The following POFUT3 variants were observed in gnomAD, a reference collection of about 807,000 sequenced individuals.
POFUT3 encodes GDP-fucose protein O-fucosyltransferase 3.
chr8:33,347,776 A>G, the POFUT3 span, among the ~76,000 whole-genome samples: 15 of 152,352 alleles, frequency 9.8e-5, no homozygotes, highest in East Asian at 2.9e-3. Context: ...ACAATGTAAT[A>G]CATTCTTTTA....
the POFUT3 span, among the ~76,000 whole-genome samples, chr8:33,349,393 G>A: frequency 4.6e-5 from 7 of 152,206 alleles, no homozygotes; most frequent in African/African-American, 1.4e-4. Flanking sequence ...CCTGACCAGC[G>A]TACGCTGTAC....
the POFUT3 span, among the ~76,000 whole-genome samples, chr8:33,340,360 G>T: frequency 6.6e-6 from 1 of 151,804 alleles, no homozygotes; most frequent in Non-Finnish European, 1.5e-5. Flanking sequence ...GGGGAATAAA[G>T]TCTAGCTACA....
chr8:33,443,983 T>A, the POFUT3 span, among the ~76,000 whole-genome samples: 5 of 146,808 alleles, frequency 3.4e-5, no homozygotes, highest in African/African-American at 7.6e-5. Context: ...TTTTTTTTTT[T>A]TAAAGAAAAG....
chr8:33,420,054 T>C, the POFUT3 span, among the ~76,000 whole-genome samples: 1 of 152,030 alleles, frequency 6.6e-6, no homozygotes, highest in Non-Finnish European at 1.5e-5. Flanking sequence ...CCTGAACCCA[T>C]GGAGGTCAAG....
chr8:33,425,488 G>T, the POFUT3 span, among the ~76,000 whole-genome samples: 5 of 152,112 alleles, frequency 3.3e-5, no homozygotes, highest in South Asian at 1.0e-3. Flanking sequence ...AGGAGGAGAA[G>T]GAAAAAGTCC....
the POFUT3 span, among the ~76,000 whole-genome samples, chr8:33,336,795 G>C: frequency 6.6e-6 from 1 of 152,138 alleles, no homozygotes; most frequent in Non-Finnish European, 1.5e-5. Context: ...CTGCCCAAGA[G>C]TAGACATTAG....
the POFUT3 span, among the ~76,000 whole-genome samples, chr8:33,355,584 G>T: frequency 1.2e-4 from 18 of 152,180 alleles, no homozygotes; most frequent in African/African-American, 4.1e-4. Context: ...TCTGCCAATT[G>T]TTAGTTATAT....
At chr8:33,453,087 G>T in the POFUT3 span, 8 of 895,434 alleles carry the variant, frequency 8.9e-6, no homozygotes, top group Non-Finnish European at 1.2e-5. Flanking sequence ...CAGAGCAAAT[G>T]CAAAGGAAAT....
At chr8:33,367,380 G>C in the POFUT3 span, among the ~76,000 whole-genome samples, 3 of 152,096 alleles carry the variant, frequency 2.0e-5, no homozygotes, top group Non-Finnish European at 4.4e-5. Flanking sequence ...CCTTTAATTC[G>C]GCCCATCCCT....
At chr8:33,457,818 T>C in the POFUT3 span, among the ~76,000 whole-genome samples, 4 of 152,180 alleles carry the variant, frequency 2.6e-5, no homozygotes, top group Non-Finnish European at 5.9e-5. Flanking sequence ...AGACAGTTTA[T>C]ACAAAATATA....
chr8:33,309,919 G>A, the POFUT3 span, among the ~76,000 whole-genome samples: 1 of 152,100 alleles, frequency 6.6e-6, no homozygotes, highest in Admixed American at 6.6e-5. Context: ...CAACTGTTGA[G>A]GGAAGTCTTC....
the POFUT3 span, among the ~76,000 whole-genome samples, chr8:33,444,793 G>A: frequency 1.3e-5 from 2 of 151,934 alleles, no homozygotes; most frequent in Non-Finnish European, 2.9e-5. Flanking sequence ...ATTCCAGCCT[G>A]GATGACAGAG....
chr8:33,319,716 AT>A, the POFUT3 span, among the ~76,000 whole-genome samples: 4 of 71,840 alleles, frequency 5.6e-5, 1 homozygote, highest in Admixed American at 8.8e-4. Context: ...ATATATTTAT[AT>A]AATATATAAA....
the POFUT3 span, among the ~76,000 whole-genome samples, chr8:33,382,054 A>G: frequency 3.3e-5 from 5 of 152,154 alleles, no homozygotes; most frequent in Non-Finnish European, 7.4e-5. Flanking sequence ...GCACTTTGGG[A>G]GGCTGAGATG....
the POFUT3 span, among the ~76,000 whole-genome samples, chr8:33,351,613 T>C: frequency 6.6e-6 from 1 of 152,182 alleles, no homozygotes; most frequent in Non-Finnish European, 1.5e-5. Context: ...AAAGCCTTCA[T>C]TATATGCAGA....
the POFUT3 span, among the ~76,000 whole-genome samples, chr8:33,340,372 A>ATG: frequency 1.3e-5 from 2 of 151,738 alleles, no homozygotes; most frequent in Non-Finnish European, 2.9e-5. Flanking sequence ...CTAGCTACAT[A>ATG]TGTGTGTGTG....
At chr8:33,356,535 A>G in the POFUT3 span, among the ~76,000 whole-genome samples, 2 of 150,232 alleles carry the variant, frequency 1.3e-5, no homozygotes, top group South Asian at 4.2e-4. Flanking sequence ...TTTTTCTTGT[A>G]AATTTGTTGG....
At chr8:33,460,029 C>T in the POFUT3 span, among the ~76,000 whole-genome samples, 1 of 152,150 alleles carries the variant, frequency 6.6e-6, no homozygotes, top group African/African-American at 2.4e-5. Flanking sequence ...AACCTCATTT[C>T]TACTAAAAAT....
At chr8:33,417,371 T>C in the POFUT3 span, among the ~76,000 whole-genome samples, 2 of 152,156 alleles carry the variant, frequency 1.3e-5, no homozygotes, top group Admixed American at 6.5e-5. Context: ...ATACATTTAA[T>C]GCCCTTGAAT....
Sources: allele counts gnomAD v4.1 joint callset (sites outside exome capture counted in the v4.1 genomes callset), GRCh38; gene constraint gnomAD v4.1.1; transcripts MANE v1.5; gene names NCBI Gene and HGNC (gene_info 2026-07-23, HGNC 2026-07-21).